OLFML2B: variants seen among roughly 807,000 people sequenced by gnomAD.
OLFML2B encodes olfactomedin like 2B.
A neutral mutation model predicts 74.9 loss-of-function variants in OLFML2B; 57 were observed. The ratio of observed to expected loss-of-function variants is 0.76; its 90% CI spans 0.61 to 0.95. OLFML2B has a LOEUF of 0.95. OLFML2B is among the 40% of genes least tolerant of loss of function. OLFML2B has a pLI of 0.00. For missense variants in OLFML2B, 986 were observed against 970.6 expected, an observed-to-expected ratio of 1.02 and a Z score of -0.21; for synonymous variants, 388 against 405.8, an observed-to-expected ratio of 0.96 and a Z score of 0.53.
intron 6 of OLFML2B, among the ~76,000 whole-genome samples, chr1:161,987,226 C>T (rs1356992984): frequency 6.6e-6 from 1 of 152,188 alleles, no homozygotes; most frequent in Non-Finnish European, 1.5e-5. Context: ...TGGAGAGTCC[C>T]CTCTGAAGAT....
chr1:162,019,312 T>A (rs909067959), intron 2 of OLFML2B, among the ~76,000 whole-genome samples: 2 of 152,220 alleles, frequency 1.3e-5, no homozygotes, highest in African/African-American at 4.8e-5. Context: ...GGGATCACAC[T>A]GCTATGATTT....
chr1:162,020,573 C>T (rs1165373004), intron 1 of OLFML2B, among the ~76,000 whole-genome samples: 1 of 151,630 alleles, frequency 6.6e-6, no homozygotes, highest in African/African-American at 2.4e-5. Context: ...GTTGCCCAGA[C>T]TGGAGTGCAG....
Position 161,983,832 on chromosome 1 carries a change from G to T in OLFML2B, c.2096C>A (p.Ala699Asp). The T allele has an allele frequency of 1.2e-6, 2 of 1,614,176 alleles. No homozygotes were observed. The highest frequency in any genetic ancestry group is 2.2e-5 in the South Asian group (2 of 91,088). ...YNQRNANISY[A>D]FDTHTNTQIV... ...CTGTGTGTTGGTGTGGGTGTCGAAA[G>T]CGTAGGAGATGTTGGCATTCCGCTG... The change falls in exon 8 of 8, where the codon GCT (alanine) becomes GAT (aspartate). Residue 699 changes from alanine to aspartate, a missense_variant. Ala to Asp is a moderately radical substitution (Grantham distance 126, BLOSUM62 -2). Coordinates refer to ENST00000294794, the MANE Select transcript of OLFML2B (RefSeq NM_015441.3).
intron 3 of OLFML2B, among the ~76,000 whole-genome samples, chr1:162,006,928 A>T (rs748140699): frequency 6.6e-6 from 1 of 152,054 alleles, no homozygotes; most frequent in Non-Finnish European, 1.5e-5. Flanking sequence ...AAACAAACAA[A>T]ACAAACAACA....
intron 4 of OLFML2B, 103 bp from the exon 5 acceptor site, chr1:162,000,441 C>A (rs547459362): frequency 5.5e-5 from 46 of 835,030 alleles, no homozygotes; most frequent in Admixed American, 4.9e-4. Context: ...ATAACAGCAG[C>A]ACTTCCGAAG....
At position 162,023,601 on chromosome 1, in the gene OLFML2B, T is replaced by C; in HGVS notation, c.-171A>G. The stretch of plus-strand genomic sequence containing the variant: ...GGACGGGAGGGTGCGCCCCAGAGAC[T>C]CTGGGCATCTCCTTCCCGACGCGAG... On this transcript the variant is annotated 5_prime_UTR_variant, in exon 1 of 8. Coordinates refer to ENST00000294794, the MANE Select transcript of OLFML2B (RefSeq NM_015441.3). 1.9e-6 allele frequency: 1 copy of C among 517,630 alleles called. No individual in the cohort carries two copies. The highest frequency in any genetic ancestry group is 3.2e-6 in the Non-Finnish European group (1 of 316,126). 32.1% of individuals were successfully genotyped at this position (517,630 alleles called of 1,614,324 possible). A position where few individuals can be genotyped will look rare whatever the true frequency, so the allele number is the denominator to read the frequency against.
intron 1 of OLFML2B, 114 bp from the exon 2 acceptor site, chr1:162,020,296 A>G (rs1270444305): frequency 7.8e-7 from 1 of 1,281,928 alleles, no homozygotes; most frequent in African/African-American, 1.5e-5. Context: ...AGACCTCAGA[A>G]AACTCTGAAC....
intron 4 of OLFML2B, among the ~76,000 whole-genome samples, chr1:162,003,237 G>A (rs1381722342): frequency 5.9e-5 from 9 of 152,196 alleles, no homozygotes; most frequent in Admixed American, 5.2e-4. Context: ...GCAGACTTGG[G>A]AGATCCCTCA....
intron 6 of OLFML2B, among the ~76,000 whole-genome samples, chr1:161,994,316 G>A (rs1689825455): frequency 6.6e-6 from 1 of 152,244 alleles, no homozygotes. Context: ...AGGCAGGACT[G>A]GCCATCACGC....
chr1:161,984,360 C>A (rs1379996152), intron 7 of OLFML2B, 84 bp from the exon 8 acceptor site: 2 of 1,490,000 alleles, frequency 1.3e-6, no homozygotes, highest in African/African-American at 1.4e-5. Flanking sequence ...TGATGATCAA[C>A]GAGGGGTCTG....
chr1:162,018,825 C>T (rs1446455261), intron 2 of OLFML2B, among the ~76,000 whole-genome samples: 2 of 152,232 alleles, frequency 1.3e-5, no homozygotes, highest in African/African-American at 4.8e-5. Flanking sequence ...AGAAGGTAAA[C>T]TCCTTTCTCC....
chr1:162,023,312 G>A lies in OLFML2B; in HGVS notation c.119C>T (p.Ala40Val). Residue 40 changes from alanine to valine, a missense_variant, in exon 1 of 8, where the codon GCG becomes GTG. Physicochemically the swap from Ala to Val is moderately conservative, Grantham distance 64 (BLOSUM62 0). Coordinates refer to ENST00000294794, the MANE Select transcript of OLFML2B (RefSeq NM_015441.3). The stretch of plus-strand genomic sequence containing the variant: ...CTCGTTTTGCAGAGTCTCGTCCTCC[G>A]CAGGCGCCACTGTCTGCGCATCTGG... ...EPPDAQTVAP[A>V]EDETLQNEAD... 6.2e-7 allele frequency: 1 copy of A among 1,604,458 alleles called. No homozygotes were observed. The highest frequency in any genetic ancestry group is 8.5e-7 in the Non-Finnish European group (1 of 1,174,198).
chr1:161,983,231 T>C lies in OLFML2B; in HGVS notation c.*444A>G, dbSNP rs1689475461. Reference sequence around the variant, plus strand: ...TTCTTTATTAAAAAAAAAAAGCGTTTTTCTGGGTTTTTTAAAACTTCTCCA... The same window carrying C: ...TTCTTTATTAAAAAAAAAAAGCGTTCTTCTGGGTTTTTTAAAACTTCTCCA... On this transcript the variant is annotated 3_prime_UTR_variant, in exon 8 of 8. Coordinates refer to ENST00000294794, the MANE Select transcript of OLFML2B (RefSeq NM_015441.3). 6.5e-6 allele frequency: 1 copy of C among 152,904 alleles called. No individual in the cohort carries two copies. The highest frequency in any genetic ancestry group is 1.9e-4 in the East Asian group (1 of 5,200). The allele number at this position is 152,904 out of a possible 1,614,324, so 9.5% of individuals were successfully genotyped here. A position where few individuals can be genotyped will look rare whatever the true frequency, so the allele number is the denominator to read the frequency against.
chr1:161,989,218 C>A (rs1196313122), intron 6 of OLFML2B, among the ~76,000 whole-genome samples: 1 of 152,212 alleles, frequency 6.6e-6, no homozygotes, highest in Non-Finnish European at 1.5e-5. Flanking sequence ...CCATCTCCAA[C>A]CACCAAGTGC....
chr1:162,011,299 C>A (rs1690373515), intron 3 of OLFML2B, among the ~76,000 whole-genome samples: 1 of 152,168 alleles, frequency 6.6e-6, no homozygotes, highest in African/African-American at 2.4e-5. Flanking sequence ...AGCCCAAGGG[C>A]AGATGGGACA....
rs767897047 is a variant in OLFML2B, at chr1:162,000,269, G to T, written c.793C>A (p.Arg265=). The change falls in exon 5 of 8, where the codon CGA becomes AGA. Residue 265 remains arginine (R), a synonymous_variant. Transcript: ENST00000294794. ...ACCACCTCAGGCAGAGCCAGGGGTCGCGTCTGCAGAAGTTCGATGGAGTTG... is the reference window on the plus strand; with the variant it reads ...ACCACCTCAGGCAGAGCCAGGGGTCTCGTCTGCAGAAGTTCGATGGAGTTG... ...QINSIELLQT[R]PLALPEVVKS... The T allele has an allele frequency of 6.2e-7, 1 of 1,613,580 alleles. No individual in the cohort carries two copies. The highest frequency in any genetic ancestry group is 1.1e-5 in the South Asian group (1 of 91,056).
intron 2 of OLFML2B, among the ~76,000 whole-genome samples, chr1:162,019,507 C>T (rs1690636977): frequency 1.3e-5 from 2 of 152,202 alleles, no homozygotes; most frequent in South Asian, 2.1e-4. Flanking sequence ...AGCAGGCCCC[C>T]GGCCTCTCCT....
At chr1:161,989,002 C>T (rs1482637562) in intron 6 of OLFML2B, among the ~76,000 whole-genome samples, 1 of 152,202 alleles carries the variant, frequency 6.6e-6, no homozygotes, top group East Asian at 1.9e-4. Context: ...CCTTCACCCA[C>T]ATTCCAACTC....
chr1:162,007,101 C>T lies in OLFML2B; in HGVS notation c.547-628G>A, dbSNP rs534114155. Among the ~76,000 whole-genome samples the T allele has an allele frequency of 7.2e-5, 11 of 152,340 alleles. No individual in the cohort carries two copies. In the South Asian group the frequency reaches 2.3e-3, roughly 32 times the overall value. On this transcript the variant is annotated intron_variant, in intron 3 of 7. Coordinates refer to ENST00000294794, the MANE Select transcript of OLFML2B (RefSeq NM_015441.3). The stretch of plus-strand genomic sequence containing the variant: ...ATGACCCCTCACTTGGCAAATTAGC[C>T]ATGTTCCAGACCTGGTTCATACCAG...
Sources: gnomAD v4.1 joint callset for allele counts (sites outside exome capture counted in the v4.1 genomes callset) on GRCh38, gnomAD v4.1.1 for gene constraint, MANE v1.5 for transcripts, NCBI Gene and HGNC (gene_info 2026-07-23, HGNC 2026-07-21) for gene names.